ATP9B: variants seen among roughly 807,000 people sequenced by gnomAD.
The protein encoded by ATP9B is ATPase phospholipid transporting 9B, also known as probable phospholipid-transporting ATPase IIB.
In ATP9B, 110 loss-of-function variants were observed where a neutral mutation model predicts 146.1. That is an observed-to-expected ratio of 0.75 (90% CI 0.65 to 0.88). ATP9B has a LOEUF of 0.88. Ranked by LOEUF, ATP9B falls within the 40% of genes least tolerant of loss-of-function variation. The probability of loss-of-function intolerance (pLI) is 0.00; values close to 1 mark genes in which losing one functional copy is unlikely to be tolerated. For synonymous variants in ATP9B, 604 were observed against 569.7 expected, an observed-to-expected ratio of 1.06 and a Z score of -0.86; for missense variants, 1,499 against 1,496.4, an observed-to-expected ratio of 1.00 and a Z score of -0.03.
chr18:79,211,370 T>C (rs1214435631), intron 10 of ATP9B, among the ~76,000 whole-genome samples: 1 of 152,188 alleles, frequency 6.6e-6, no homozygotes, highest in Non-Finnish European at 1.5e-5. Flanking sequence ...GAGTAATTAT[T>C]ATCCCACTCA....
intron 1 of ATP9B, among the ~76,000 whole-genome samples, chr18:79,078,565 CTT>C (rs60006879): frequency 0.12 from 18,170 of 151,554 alleles, 1,138 homozygotes; most frequent in East Asian, 0.2. Flanking sequence ...TTTATTTACT[CTT>C]TTTTATTTTA....
chr18:79,200,750 T>TGGGAACTGTCGGGGTCAGAGCAGAGGC (rs2095470870), intron 9 of ATP9B, among the ~76,000 whole-genome samples: 4 of 73,878 alleles, frequency 5.4e-5, no homozygotes, highest in African/African-American at 1.8e-4. Context: ...AGAGCAGAGG[T>TGGGAACTGTCGGGGTCAGAGCAGAGGC]GGAGGTGGGA....
At position 79,105,966 on chromosome 18, in the gene ATP9B, C is replaced by T. The variant is rs117042454; in HGVS notation, c.294-4389C>T. 8.2e-3 allele frequency among the ~76,000 whole-genome samples: 1,243 copies of T among 152,226 alleles called. 7 individuals carry two copies. Among genetic ancestry groups the T allele is most frequent in the Non-Finnish European group, 0.012 (831 of 68,024 alleles). On this transcript the variant is annotated intron_variant, in intron 2 of 29. Coordinates refer to ENST00000426216, the MANE Select transcript of ATP9B (RefSeq NM_198531.5). ...GGGGTGGAGAGAAAGGAGGCTAAAT[C>T]TGTGGGAATTATTTAACTATGACTA...
chr18:79,173,916 G>A (rs1309346080), intron 7 of ATP9B, among the ~76,000 whole-genome samples: 1 of 152,168 alleles, frequency 6.6e-6, no homozygotes, highest in East Asian at 1.9e-4. Context: ...TAGTCATGAA[G>A]TCTGCACCTG....
At chr18:79,161,007 C>T (rs1053995246) in intron 7 of ATP9B, among the ~76,000 whole-genome samples, 2 of 152,032 alleles carry the variant, frequency 1.3e-5, no homozygotes, top group Admixed American at 6.6e-5. Flanking sequence ...TGACCTCAAG[C>T]GATCCACCTG....
At chr18:79,273,065 C>T (rs1002685172) in intron 12 of ATP9B, among the ~76,000 whole-genome samples, 1 of 152,098 alleles carries the variant, frequency 6.6e-6, no homozygotes, top group African/African-American at 2.4e-5. Flanking sequence ...TGGCAGGTGG[C>T]CGTGCCAGTC....
chr18:79,169,596 T>G (rs1427699785), intron 7 of ATP9B, among the ~76,000 whole-genome samples: 1 of 152,240 alleles, frequency 6.6e-6, no homozygotes, highest in Non-Finnish European at 1.5e-5. Flanking sequence ...GTAAACCTTT[T>G]CTTAACATAC....
At chr18:79,339,537 A>G (rs2096846750) in intron 19 of ATP9B, among the ~76,000 whole-genome samples, 1 of 150,962 alleles carries the variant, frequency 6.6e-6, no homozygotes, top group Non-Finnish European at 1.5e-5. Flanking sequence ...AGGCTGTATC[A>G]TATCTGAGAT....
At chr18:79,307,689 T>A (rs2096627075) in intron 15 of ATP9B, among the ~76,000 whole-genome samples, 1 of 152,248 alleles carries the variant, frequency 6.6e-6, no homozygotes, top group Non-Finnish European at 1.5e-5. Context: ...AAAAGAAAAT[T>A]GGAATGTAAA....
intron 13 of ATP9B, among the ~76,000 whole-genome samples, chr18:79,280,124 A>G (rs754874433): frequency 6.6e-6 from 1 of 152,250 alleles, no homozygotes; most frequent in Non-Finnish European, 1.5e-5. Flanking sequence ...AAATTGTGGA[A>G]TGTTCTTACA....
intron 25 of ATP9B, among the ~76,000 whole-genome samples, chr18:79,349,496 A>G (rs2147609071): frequency 6.6e-6 from 1 of 152,252 alleles, no homozygotes; most frequent in African/African-American, 2.4e-5. Context: ...CACTGAGCTT[A>G]CCCCAGGTCC....
chr18:79,079,764 G>C (rs2073043728), intron 1 of ATP9B, among the ~76,000 whole-genome samples: 3 of 152,146 alleles, frequency 2.0e-5, no homozygotes, highest in Admixed American at 2.0e-4. Flanking sequence ...TTCTTCTAGG[G>C]TTTTTATAGT....
intron 6 of ATP9B, 117 bp from the exon 7 acceptor site, chr18:79,154,387 C>T (rs1479185629): frequency 4.4e-6 from 3 of 689,206 alleles, no homozygotes; most frequent in Non-Finnish European, 7.3e-6. Flanking sequence ...GTTATTTCAG[C>T]ACAATTTTAA....
intron 26 of ATP9B, among the ~76,000 whole-genome samples, chr18:79,368,186 G>A (rs552929713): frequency 1.2e-4 from 18 of 152,360 alleles, no homozygotes; most frequent in African/African-American, 3.8e-4. Context: ...GTGATTTCAA[G>A]GCAAAATGAT....
Position 79,336,714 on chromosome 18 carries a change from G to A in ATP9B, c.2112+3G>A, listed in dbSNP as rs115068761. ...AGGAGCAGTACCAGGACTTTGAGGTGAGCCGACTCCCAGCCATCCCATCCT... is the reference window on the plus strand; with the variant it reads ...AGGAGCAGTACCAGGACTTTGAGGTAAGCCGACTCCCAGCCATCCCATCCT... On this transcript the variant is annotated splice_donor_region_variant and intron_variant, in intron 18 of 29. Coordinates refer to ENST00000426216, the MANE Select transcript of ATP9B (RefSeq NM_198531.5). 4.1e-3 allele frequency: 6,694 copies of A among 1,613,798 alleles called. 239 individuals carry two copies. The African/African-American group carries it at 0.077, about 19-fold the overall frequency.
intron 11 of ATP9B, among the ~76,000 whole-genome samples, chr18:79,232,455 A>G (rs1016897390): frequency 6.6e-6 from 1 of 152,218 alleles, no homozygotes; most frequent in Non-Finnish European, 1.5e-5. Context: ...AGCCCCTAAC[A>G]CCTACAGCTG....
At chr18:79,166,759 C>T (rs1392962919) in intron 7 of ATP9B, among the ~76,000 whole-genome samples, 2 of 152,128 alleles carry the variant, frequency 1.3e-5, no homozygotes, top group Non-Finnish European at 2.9e-5. Context: ...CCTCTATGGC[C>T]CGTGGAGCCT....
At chr18:79,170,661 T>C (rs1282610144) in intron 7 of ATP9B, among the ~76,000 whole-genome samples, 1 of 152,210 alleles carries the variant, frequency 6.6e-6, no homozygotes, top group Non-Finnish European at 1.5e-5. Flanking sequence ...GTTTCTGAGT[T>C]TAAACATTTC....
intron 11 of ATP9B, among the ~76,000 whole-genome samples, chr18:79,224,828 G>T (rs760744530): frequency 5.9e-5 from 9 of 152,302 alleles, no homozygotes; most frequent in Non-Finnish European, 1.3e-4. Flanking sequence ...TGGGCAGGCC[G>T]TGTAGGGTGC....
Sources: gnomAD v4.1 joint callset for allele counts (sites outside exome capture counted in the v4.1 genomes callset) on GRCh38, gnomAD v4.1.1 for gene constraint, MANE v1.5 for transcripts, NCBI Gene and HGNC (gene_info 2026-07-23, HGNC 2026-07-21) for gene names.